Variants in MATCAP2 observed in about 807,000 individuals in gnomAD.
MATCAP2 encodes the protein microtubule associated tyrosine carboxypeptidase 2.
At chr7:36,334,342 G>C in the MATCAP2 span, among the ~76,000 whole-genome samples, 2 of 151,930 alleles carry the variant, frequency 1.3e-5, no homozygotes, top group Admixed American at 1.3e-4. Flanking sequence ...TTGGAGACCA[G>C]CCTGGGCAAC....
the MATCAP2 span, among the ~76,000 whole-genome samples, chr7:36,388,715 G>A: frequency 6.6e-6 from 1 of 152,186 alleles, no homozygotes; most frequent in Non-Finnish European, 1.5e-5. Flanking sequence ...TGGAAAACGG[G>A]TCATGAGCTG....
chr7:36,384,285 G>T, the MATCAP2 span, among the ~76,000 whole-genome samples: 1 of 152,000 alleles, frequency 6.6e-6, no homozygotes, highest in Non-Finnish European at 1.5e-5. Flanking sequence ...TCAGACTCTT[G>T]GTTCTATTCT....
chr7:36,348,511 C>T, the MATCAP2 span, among the ~76,000 whole-genome samples: 1 of 152,210 alleles, frequency 6.6e-6, no homozygotes, highest in Non-Finnish European at 1.5e-5. Context: ...CCCTGGGTCA[C>T]AAATTTGGAT....
the MATCAP2 span, among the ~76,000 whole-genome samples, chr7:36,363,233 G>A: frequency 4.6e-5 from 7 of 152,144 alleles, no homozygotes; most frequent in Non-Finnish European, 5.9e-5. Context: ...ATGGCCTAAC[G>A]ATGGCCTTAA....
At chr7:36,339,002 A>G in the MATCAP2 span, among the ~76,000 whole-genome samples, 3 of 152,258 alleles carry the variant, frequency 2.0e-5, no homozygotes, top group East Asian at 5.8e-4. Context: ...GTATTGATTG[A>G]GACATAAGAT....
At chr7:36,366,785 G>A in the MATCAP2 span, 4 of 1,534,384 alleles carry the variant, frequency 2.6e-6, no homozygotes, top group South Asian at 2.4e-5. Flanking sequence ...TGCGCGCCCC[G>A]AAGGGGTCGG....
At chr7:36,357,622 A>C in the MATCAP2 span, 2 of 1,494,894 alleles carry the variant, frequency 1.3e-6, no homozygotes, top group South Asian at 2.5e-5. Context: ...AAACAAAAGA[A>C]ATAACAAAGA....
the MATCAP2 span, among the ~76,000 whole-genome samples, chr7:36,330,523 C>CA: frequency 2.0e-5 from 3 of 152,004 alleles, no homozygotes; most frequent in Non-Finnish European, 4.4e-5. Flanking sequence ...TCTCAGATCA[C>CA]AAAAAAGGAG....
At chr7:36,372,094 A>G in the MATCAP2 span, among the ~76,000 whole-genome samples, 6 of 152,282 alleles carry the variant, frequency 3.9e-5, no homozygotes, top group Non-Finnish European at 8.8e-5. Flanking sequence ...AAAAAGTTTA[A>G]TTTCTTAAAA....
the MATCAP2 span, among the ~76,000 whole-genome samples, chr7:36,367,527 C>G: frequency 1.3e-5 from 2 of 152,272 alleles, no homozygotes; most frequent in South Asian, 4.1e-4. Context: ...CTGCAAATAG[C>G]AAAGCCAGTC....
At chr7:36,375,874 G>A in the MATCAP2 span, among the ~76,000 whole-genome samples, 42 of 152,278 alleles carry the variant, frequency 2.8e-4, no homozygotes, top group South Asian at 4.1e-4. Context: ...GTTTACTTGC[G>A]TAGAGATGTT....
At chr7:36,382,773 G>A in the MATCAP2 span, among the ~76,000 whole-genome samples, 2 of 152,212 alleles carry the variant, frequency 1.3e-5, no homozygotes, top group East Asian at 1.9e-4. Flanking sequence ...GATTACAGGC[G>A]TGAGCCACCA....
chr7:36,338,291 G>C, the MATCAP2 span, among the ~76,000 whole-genome samples: 416 of 152,082 alleles, frequency 2.7e-3, no homozygotes, highest in Admixed American at 4.9e-3. Flanking sequence ...CCTTTTTAAT[G>C]TATTTATATA....
chr7:36,374,815 TGC>T, the MATCAP2 span, among the ~76,000 whole-genome samples: 1 of 152,222 alleles, frequency 6.6e-6, no homozygotes, highest in Admixed American at 6.5e-5. Context: ...TGGGATAGTT[TGC>T]TCAGAATGAT....
At chr7:36,382,019 G>T in the MATCAP2 span, among the ~76,000 whole-genome samples, 8 of 152,006 alleles carry the variant, frequency 5.3e-5, no homozygotes, top group Admixed American at 5.2e-4. Context: ...GTGGCTGGGC[G>T]CTTTGGCTTA....
the MATCAP2 span, among the ~76,000 whole-genome samples, chr7:36,386,938 T>G: frequency 6.6e-6 from 1 of 152,162 alleles, no homozygotes; most frequent in Non-Finnish European, 1.5e-5. Context: ...CATGTGCATA[T>G]AAAGGATAGT....
chr7:36,377,390 G>C, the MATCAP2 span, among the ~76,000 whole-genome samples: 1 of 151,788 alleles, frequency 6.6e-6, no homozygotes, highest in Non-Finnish European at 1.5e-5. Flanking sequence ...GAAATTCTGG[G>C]TTGAAAATTC....
At chr7:36,329,701 C>G in the MATCAP2 span, among the ~76,000 whole-genome samples, 1 of 152,130 alleles carries the variant, frequency 6.6e-6, no homozygotes, top group Non-Finnish European at 1.5e-5. Flanking sequence ...TTGTTACCAC[C>G]AGTGTAATTG....
At chr7:36,385,920 C>T in the MATCAP2 span, among the ~76,000 whole-genome samples, 2 of 152,014 alleles carry the variant, frequency 1.3e-5, no homozygotes, top group Non-Finnish European at 2.9e-5. Context: ...TTTGGGAGGT[C>T]TAGTTGGGTG....
Sources: allele counts gnomAD v4.1 joint callset (sites outside exome capture counted in the v4.1 genomes callset), GRCh38; gene constraint gnomAD v4.1.1; transcripts MANE v1.5; gene names NCBI Gene and HGNC (gene_info 2026-07-23, HGNC 2026-07-21).